CDC123: variants seen among roughly 807,000 people sequenced by gnomAD.
The protein encoded by CDC123 is translation initiation factor eIF2 assembly protein.
A neutral mutation model predicts 54.4 loss-of-function variants in CDC123; 37 were observed. The ratio of observed to expected loss-of-function variants is 0.68; its 90% confidence interval spans 0.52 to 0.89. The LOEUF (loss-of-function observed/expected upper bound fraction) is 0.89. Among genes scored for constraint, CDC123 ranks in the 40% least tolerant of loss-of-function variants. CDC123 has a pLI of 0.00. For synonymous variants in CDC123, 144 were observed against 136.8 expected, an observed-to-expected ratio of 1.05 and a Z score of -0.37; for missense variants, 361 against 412.1, an observed-to-expected ratio of 0.88 and a Z score of 1.07.
Position 12,228,300 on chromosome 10 carries a change from G to T in CDC123, c.441-2648G>T, listed in dbSNP as rs12571022. On this transcript the variant is annotated intron_variant, in intron 6 of 12. Transcript: ENST00000281141. Reference sequence around the variant, plus strand: ...TTATTAAAATAATTTTTAATCGAAAGCTAGTTTTCTAGTTTTAGATTATTA... The same window carrying T: ...TTATTAAAATAATTTTTAATCGAAATCTAGTTTTCTAGTTTTAGATTATTA... 5.4e-3 allele frequency among the ~76,000 whole-genome samples: 818 copies of T among 152,058 alleles called. 27 individuals carry two copies. In the East Asian group the frequency reaches 0.075, roughly 14 times the overall value.
chr10:12,232,581 G>A (rs1329140553), intron 7 of CDC123, among the ~76,000 whole-genome samples: 1 of 152,048 alleles, frequency 6.6e-6, no homozygotes, highest in South Asian at 2.1e-4. Flanking sequence ...TAGAGTGCTT[G>A]TAGGTGAGAT....
At position 12,249,587 on chromosome 10, in the gene CDC123, C is replaced by T. The variant is rs913696153; in HGVS notation, c.853C>T (p.Pro285Ser). Residue 285 changes from proline to serine, a missense_variant, in exon 12 of 13, where the codon CCA becomes TCA. Physicochemically the swap from Pro to Ser is moderately conservative, Grantham distance 74 (BLOSUM62 -1). Transcript: ENST00000281141. ...SEVDAQEQDS[P>S]AFRCTNSEVT... ...CTTTTTCTTCTTTGTACAGGATTCCCCAGCTTTCCGTTGCACAAACAGTGA... is the reference window on the plus strand; with the variant it reads ...CTTTTTCTTCTTTGTACAGGATTCCTCAGCTTTCCGTTGCACAAACAGTGA... 5.0e-6 allele frequency: 8 copies of T among 1,612,486 alleles called. No individual in the cohort carries two copies. The highest frequency in any genetic ancestry group is 1.3e-5 in the African/African-American group (1 of 74,810).
intron 2 of CDC123, among the ~76,000 whole-genome samples, chr10:12,201,825 CT>C (rs1471757457): frequency 6.6e-6 from 1 of 152,146 alleles, no homozygotes; most frequent in Non-Finnish European, 1.5e-5. Flanking sequence ...TTGCATTTGA[CT>C]GGGTGAGACC....
intron 4 of CDC123, among the ~76,000 whole-genome samples, chr10:12,214,473 C>T (rs1355395742): frequency 3.3e-5 from 5 of 152,188 alleles, no homozygotes; most frequent in Admixed American, 2.0e-4. Context: ...ACTCTAGTCT[C>T]ATTTCATGTA....
At chr10:12,209,207 C>A (rs1835562711) in intron 2 of CDC123, among the ~76,000 whole-genome samples, 1 of 151,990 alleles carries the variant, frequency 6.6e-6, no homozygotes, top group Non-Finnish European at 1.5e-5. Flanking sequence ...TTTATTCTGT[C>A]ATCTCTTCAT....
intron 1 of CDC123, among the ~76,000 whole-genome samples, chr10:12,196,889 CAGGT>C (rs1301438328): frequency 4.6e-5 from 7 of 152,158 alleles, no homozygotes; most frequent in Non-Finnish European, 1.0e-4. Context: ...TTAAAAACAT[CAGGT>C]AGGCGGCAAG....
At position 12,230,894 on chromosome 10, in the gene CDC123, T is replaced by C; in HGVS notation, c.441-54T>C. The C allele has an allele frequency of 2.6e-6, 4 of 1,530,882 alleles. No homozygotes were observed. The South Asian group carries it at 4.6e-5, about 18-fold the overall frequency. The allele number at this position is 1,530,882 out of a possible 1,614,324, so 94.8% of individuals were successfully genotyped here. ...GTTAAATATATGTTAAGTGTGTGCA[T>C]AAACTGGCACCAGTAACAAAAAGAT... On this transcript the variant is annotated intron_variant, in intron 6 of 12. Coordinates refer to ENST00000281141, the MANE Select transcript of CDC123 (RefSeq NM_006023.3).
At chr10:12,237,444 A>ATTATTATTATTTTTTTT (rs1564257507) in intron 9 of CDC123, 178 bp downstream of exon 9, 2 of 456,050 alleles carry the variant, frequency 4.4e-6, no homozygotes, top group African/African-American at 4.1e-5. Context: ...TATTATTATT[A>ATTATTATTATTTTTTTT]TTTTTATTTG....
Position 12,198,869 on chromosome 10 carries a change from CTCTT to C in CDC123, c.146+95_146+98del. ...CTTAGGCACCATTCTTTCCCTTTAGCTCTTTTTCTCTCCTAGCCAAAATGATGTG... is the reference window on the plus strand; with the variant it reads ...CTTAGGCACCATTCTTTCCCTTTAGCTTTCTCTCCTAGCCAAAATGATGTG... On this transcript the variant is annotated intron_variant, in intron 2 of 12. Transcript: ENST00000281141. 3 of 714,354 alleles carry C rather than the reference CTCTT, an allele frequency of 4.2e-6. No individual in the cohort carries two copies. In the Admixed American group the frequency reaches 7.3e-5, roughly 17 times the overall value. 44.3% of individuals were successfully genotyped at this position (714,354 alleles called of 1,614,324 possible).
intron 10 of CDC123, among the ~76,000 whole-genome samples, chr10:12,240,199 A>G (rs528807757): frequency 2.0e-5 from 3 of 152,288 alleles, no homozygotes; most frequent in African/African-American, 7.2e-5. Context: ...TTAATGAAGA[A>G]TTACTAGAGC....
intron 10 of CDC123, among the ~76,000 whole-genome samples, chr10:12,238,848 C>T (rs553761067): frequency 3.9e-5 from 6 of 152,036 alleles, no homozygotes; most frequent in East Asian, 3.9e-4. Context: ...GGTGAAACTC[C>T]GTCTCTACTA....
chr10:12,196,791 G>A lies in CDC123; in HGVS notation c.74+472G>A, dbSNP rs571283755. Reference sequence around the variant, plus strand: ...ACGATATACGTATTCTTGAAAAACGGAGAGTGGATGTTAGTGTTCTCACCA... The same window carrying A: ...ACGATATACGTATTCTTGAAAAACGAAGAGTGGATGTTAGTGTTCTCACCA... On this transcript the variant is annotated intron_variant, in intron 1 of 12. Coordinates refer to ENST00000281141, the MANE Select transcript of CDC123 (RefSeq NM_006023.3). 8.5e-5 allele frequency among the ~76,000 whole-genome samples: 13 copies of A among 152,326 alleles called. No homozygotes were observed. The South Asian group carries it at 1.9e-3, about 22-fold the overall frequency.
chr10:12,231,582 G>A (rs1009301778), intron 7 of CDC123, among the ~76,000 whole-genome samples: 19 of 138,370 alleles, frequency 1.4e-4, no homozygotes, highest in Admixed American at 1.4e-3. Context: ...CTGAGATGGC[G>A]CCATTGCACT....
rs1489376188 is a variant in CDC123 at position 12,196,242 on chromosome 10, G to C, written c.-4G>C. Reference sequence around the variant, plus strand: ...GGAAAGGCAGCAGCGGCGGCAGCTGGAGGATGAAGAAGGAGCATGTGCTTC... The same window carrying C: ...GGAAAGGCAGCAGCGGCGGCAGCTGCAGGATGAAGAAGGAGCATGTGCTTC... On this transcript the variant is annotated 5_prime_UTR_variant, in exon 1 of 13. Transcript: ENST00000281141. The C allele has an allele frequency of 1.2e-6, 2 of 1,613,848 alleles. No individual in the cohort carries two copies. The highest frequency in any genetic ancestry group is 1.3e-5 in the African/African-American group (1 of 74,904).
At chr10:12,215,121 AC>A (rs1369067623) in intron 4 of CDC123, among the ~76,000 whole-genome samples, 10 of 152,226 alleles carry the variant, frequency 6.6e-5, no homozygotes, top group Admixed American at 2.6e-4. Flanking sequence ...CGTTTTGGTC[AC>A]TAGCTTATAT....
intron 6 of CDC123, among the ~76,000 whole-genome samples, chr10:12,227,883 C>T (rs550325461): frequency 3.3e-5 from 5 of 152,038 alleles, no homozygotes; most frequent in Non-Finnish European, 7.4e-5. Context: ...TCCTTGGGGG[C>T]GAAAGGGCAG....
intron 8 of CDC123, 115 bp downstream of exon 8, chr10:12,235,238 T>G (rs1835963286): frequency 2.4e-6 from 2 of 821,080 alleles, no homozygotes; most frequent in South Asian, 2.9e-5. Context: ...TCTGTTTTCA[T>G]CTCAGATGCC....
chr10:12,243,653 G>A (rs984955712), intron 10 of CDC123, among the ~76,000 whole-genome samples: 10 of 151,552 alleles, frequency 6.6e-5, no homozygotes, highest in Non-Finnish European at 1.5e-4. Context: ...GCGTGATGGC[G>A]GACGCCTGTA....
rs955151994 is a variant in CDC123, at chr10:12,225,589, CAG to C, written c.441-5358_441-5357del. Among the ~76,000 whole-genome samples the C allele has an allele frequency of 7.9e-5, 12 of 152,068 alleles. No homozygotes were observed. The South Asian group carries it at 8.3e-4, about 11-fold the overall frequency. ...GTAAGTAGTTAACTGAATATAAAGA[CAG>C]GGAAGAAAAAGCGGGCCTGACAAGT... On this transcript the variant is annotated intron_variant, in intron 6 of 12. Transcript: ENST00000281141.
Sources: allele counts gnomAD v4.1 joint callset (sites outside exome capture counted in the v4.1 genomes callset), GRCh38; gene constraint gnomAD v4.1.1; transcripts MANE v1.5; gene names NCBI Gene and HGNC (gene_info 2026-07-23, HGNC 2026-07-21).